LRRC4C: variants seen among roughly 807,000 people sequenced by gnomAD.
The protein encoded by LRRC4C is leucine rich repeat containing 4C, also known as leucine-rich repeat-containing protein 4C.
Under a neutral mutation model 33.6 loss-of-function variants are expected in LRRC4C, and 5 were observed. The ratio of observed to expected loss-of-function variants is 0.15; its 90% confidence interval spans 0.08 to 0.31. LRRC4C has a LOEUF of 0.31. Among genes scored for constraint, LRRC4C ranks in the 10% least tolerant of loss-of-function variants. The pLI, the probability that LRRC4C is intolerant of heterozygous loss-of-function variation, is 1.00. For synonymous variants in LRRC4C, 329 were observed against 302.0 expected (o/e 1.09, Z -0.93); for missense variants, 560 against 796.7 (o/e 0.70, Z 3.58).
chr11:40,300,613 C>T (rs757482311), intron 4 of LRRC4C, among the ~76,000 whole-genome samples: 7 of 152,126 alleles, frequency 4.6e-5, no homozygotes, highest in Non-Finnish European at 1.0e-4. Context: ...TGAGGATGCT[C>T]GATCCCTTAT....
chr11:40,890,020 G>T (rs1336385967), intron 2 of LRRC4C, among the ~76,000 whole-genome samples: 1 of 152,070 alleles, frequency 6.6e-6, no homozygotes, highest in Non-Finnish European at 1.5e-5. Context: ...TTATTCTACA[G>T]ACCAGAAACA....
chr11:40,416,019 T>C (rs1046829339), intron 3 of LRRC4C, among the ~76,000 whole-genome samples: 2 of 152,146 alleles, frequency 1.3e-5, no homozygotes, highest in African/African-American at 4.8e-5. Context: ...TATGTTAAAA[T>C]CCATGTTTAT....
intron 2 of LRRC4C, among the ~76,000 whole-genome samples, chr11:40,738,551 T>C (rs544604881): frequency 7.2e-5 from 11 of 152,212 alleles, no homozygotes; most frequent in African/African-American, 2.6e-4. Flanking sequence ...ATCAACTATA[T>C]GCAAATAATA....
At chr11:40,149,777 C>T (rs1256674220) in intron 5 of LRRC4C, among the ~76,000 whole-genome samples, 1 of 152,038 alleles carries the variant, frequency 6.6e-6, no homozygotes, top group Non-Finnish European at 1.5e-5. Flanking sequence ...GAATAGCTAA[C>T]ATAAAGTCTT....
chr11:41,431,018 TACTC>T (rs563266217), intron 1 of LRRC4C, among the ~76,000 whole-genome samples: 17 of 152,252 alleles, frequency 1.1e-4, no homozygotes, highest in East Asian at 3.9e-4. Flanking sequence ...AAATTTGAAT[TACTC>T]AATCAGCTTA....
chr11:40,561,154 A>G (rs1957531383), intron 3 of LRRC4C, among the ~76,000 whole-genome samples: 1 of 152,160 alleles, frequency 6.6e-6, no homozygotes, highest in Non-Finnish European at 1.5e-5. Flanking sequence ...GCTCAGCACA[A>G]TGCTAATCAC....
chr11:40,287,446 G>A (rs1408782033), intron 4 of LRRC4C, among the ~76,000 whole-genome samples: 1 of 152,114 alleles, frequency 6.6e-6, no homozygotes, highest in Non-Finnish European at 1.5e-5. Context: ...TTTCTCAGAC[G>A]AAGTTCATTC....
Position 41,030,366 on chromosome 11 carries a change from C to T in LRRC4C, c.-495-96643G>A, listed in dbSNP as rs75350595. ...CTGTGCAAGAAGCCTCAGAAGAAAT[C>T]CTCAAGGCTTCTGAAATTTTGCATT... On this transcript the variant is annotated intron_variant, in intron 1 of 6. Coordinates refer to ENST00000528697, the MANE Select transcript of LRRC4C (RefSeq NM_001258419.2). 8.0e-3 allele frequency among the ~76,000 whole-genome samples: 1,219 copies of T among 151,860 alleles called. 7 individuals carry two copies. Among genetic ancestry groups the T allele is most frequent in the Middle Eastern group, 0.02 (6 of 294 alleles).
At chr11:41,408,747 T>TA (rs35914452) in intron 1 of LRRC4C, among the ~76,000 whole-genome samples, 134 of 131,770 alleles carry the variant, frequency 1.0e-3, no homozygotes, top group Middle Eastern at 3.8e-3. Context: ...TATATTTTTG[T>TA]AAAAAAAAAA....
chr11:40,603,580 T>C (rs1318493074), intron 3 of LRRC4C, among the ~76,000 whole-genome samples: 1 of 152,178 alleles, frequency 6.6e-6, no homozygotes, highest in East Asian at 1.9e-4. Context: ...TGGATGTAGA[T>C]GGTGTACAGA....
chr11:40,202,685 C>A (rs1862852562), intron 5 of LRRC4C, among the ~76,000 whole-genome samples: 1 of 152,136 alleles, frequency 6.6e-6, no homozygotes, highest in African/African-American at 2.4e-5. Context: ...GTTATCTTTT[C>A]CAATTATGGT....
intron 3 of LRRC4C, among the ~76,000 whole-genome samples, chr11:40,559,295 A>G (rs904468421): frequency 6.8e-6 from 1 of 147,598 alleles, no homozygotes; most frequent in Admixed American, 6.9e-5. Context: ...TAATCCTCCC[A>G]TCCCCAGCCT....
intron 1 of LRRC4C, among the ~76,000 whole-genome samples, chr11:41,165,431 G>T (rs1728019866): frequency 6.6e-6 from 1 of 152,010 alleles, no homozygotes; most frequent in Admixed American, 6.6e-5. Context: ...TATGAGAACT[G>T]ACTTTTCCTT....
At chr11:40,680,578 T>C (rs1455423610) in intron 2 of LRRC4C, among the ~76,000 whole-genome samples, 1 of 152,142 alleles carries the variant, frequency 6.6e-6, no homozygotes, top group African/African-American at 2.4e-5. Context: ...TCAAGAGATT[T>C]GATGGTGTTA....
rs1207137730 is a variant in LRRC4C, at chr11:40,492,235, G to A, written c.-270+155907C>T. Among the ~76,000 whole-genome samples the A allele has an allele frequency of 2.6e-5, 4 of 152,054 alleles. No homozygotes were observed. In the South Asian group the frequency reaches 6.2e-4, roughly 24 times the overall value. Reference sequence around the variant, plus strand: ...ATTTTCATTCATACATTTGTCACTCGACTACGTTGTCAAATCTTTAATATT... The same window carrying A: ...ATTTTCATTCATACATTTGTCACTCAACTACGTTGTCAAATCTTTAATATT... On this transcript the variant is annotated intron_variant, in intron 3 of 6. Transcript: ENST00000528697.
chr11:40,191,165 C>T (rs767513535), intron 5 of LRRC4C, among the ~76,000 whole-genome samples: 1 of 152,100 alleles, frequency 6.6e-6, no homozygotes, highest in African/African-American at 2.4e-5. Context: ...GTGATGGGAA[C>T]CAAAATCTGA....
At chr11:41,117,740 A>G (rs1179717913) in intron 1 of LRRC4C, among the ~76,000 whole-genome samples, 1 of 152,136 alleles carries the variant, frequency 6.6e-6, no homozygotes, top group Non-Finnish European at 1.5e-5. Flanking sequence ...CAATATTATA[A>G]TTGAAAAAAT....
chr11:41,019,530 G>C lies in LRRC4C; in HGVS notation c.-495-85807C>G, dbSNP rs1174119218. ...GAATGATTTATATTCCTTTGGGTATGTATCTAGTAATGGGATTGCTGGCTC... is the reference window on the plus strand; with the variant it reads ...GAATGATTTATATTCCTTTGGGTATCTATCTAGTAATGGGATTGCTGGCTC... On this transcript the variant is annotated intron_variant, in intron 1 of 6. Transcript: ENST00000528697. Among the ~76,000 whole-genome samples, 8 of 152,136 alleles carry C rather than the reference G, an allele frequency of 5.3e-5. No homozygotes were observed. In the South Asian group the frequency reaches 1.7e-3, roughly 32 times the overall value.
intron 1 of LRRC4C, among the ~76,000 whole-genome samples, chr11:41,039,580 A>G (rs1857301575): frequency 6.6e-6 from 1 of 152,180 alleles, no homozygotes; most frequent in Non-Finnish European, 1.5e-5. Context: ...GGTCAACACA[A>G]TATTTTGTAA....
Sources: gnomAD v4.1 joint callset for allele counts (sites outside exome capture counted in the v4.1 genomes callset) on GRCh38, gnomAD v4.1.1 for gene constraint, MANE v1.5 for transcripts, NCBI Gene and HGNC (gene_info 2026-07-23, HGNC 2026-07-21) for gene names.